BCAR3: variants seen among roughly 807,000 people sequenced by gnomAD.
BCAR3 encodes the protein breast cancer anti-estrogen resistance protein 3.
Under a neutral mutation model 80.1 loss-of-function variants are expected in BCAR3, and 37 were observed. The ratio of observed to expected loss-of-function variants is 0.46; its 90% CI spans 0.36 to 0.61. The LOEUF (loss-of-function observed/expected upper bound fraction) is 0.61. BCAR3 is among the 20% of genes least tolerant of loss of function. The probability of loss-of-function intolerance (pLI) is 0.00; values close to 1 mark genes in which losing one functional copy is unlikely to be tolerated. For synonymous variants in BCAR3, 389 were observed against 418.9 expected (o/e 0.93, Z 0.87); for missense variants, 978 against 1,068.2 (o/e 0.92, Z 1.18).
chr1:93,836,013 C>T lies in BCAR3; in HGVS notation c.-63+9554G>A, dbSNP rs141792746. ...CTTGGTATTCAGCAGAACCTTCATA[C>T]CCCTTACCATCCTCAATCTTCAGGA... On this transcript the variant is annotated intron_variant, in intron 2 of 13. Transcript: ENST00000370244. 9.0e-3 allele frequency among the ~76,000 whole-genome samples: 1,375 copies of T among 152,300 alleles called. 26 individuals are homozygous for T. The highest frequency in any genetic ancestry group is 0.031 in the African/African-American group (1,279 of 41,544).
chr1:93,681,324 G>C (rs1648749108), intron 1 of BCAR3: 1 of 152,032 alleles, frequency 6.6e-6, no homozygotes, highest in African/African-American at 2.4e-5. Flanking sequence ...GCCAATCGCT[G>C]AGCGCTCCCC....
At chr1:93,722,207 C>T (rs1033575452) in intron 2 of BCAR3, among the ~76,000 whole-genome samples, 5 of 152,298 alleles carry the variant, frequency 3.3e-5, no homozygotes, top group East Asian at 1.9e-4. Flanking sequence ...GGATCCCATG[C>T]ACTCATAAGC....
intron 2 of BCAR3, among the ~76,000 whole-genome samples, chr1:93,814,775 G>C (rs1653960301): frequency 6.6e-6 from 1 of 152,232 alleles, no homozygotes; most frequent in African/African-American, 2.4e-5. Flanking sequence ...TGGCAGCCAG[G>C]AGAGGAGGCG....
chr1:93,827,709 G>A (rs1654418038), intron 2 of BCAR3, among the ~76,000 whole-genome samples: 1 of 151,944 alleles, frequency 6.6e-6, no homozygotes, highest in Non-Finnish European at 1.5e-5. Context: ...GAGGGAGGGA[G>A]GGAAAGAGAG....
intron 2 of BCAR3, among the ~76,000 whole-genome samples, chr1:93,729,670 T>A (rs549323656): frequency 6.6e-6 from 1 of 152,288 alleles, no homozygotes; most frequent in African/African-American, 2.4e-5. Context: ...CAGGCCTTGA[T>A]ACCTCTGCAT....
intron 2 of BCAR3, among the ~76,000 whole-genome samples, chr1:93,804,231 C>T (rs1487388013): frequency 1.3e-5 from 2 of 152,150 alleles, no homozygotes; most frequent in African/African-American, 2.4e-5. Flanking sequence ...ATTCGTAGGC[C>T]TAGCTTCTAT....
Position 93,647,740 on chromosome 1 carries a change from C to T in BCAR3, c.318-5397G>A, listed in dbSNP as rs149149078. On this transcript the variant is annotated intron_variant, in intron 2 of 11. Transcript: ENST00000260502. The stretch of plus-strand genomic sequence containing the variant: ...AGCCCCAAACAATGGCATCTGAGAC[C>T]AGCTGTACGATAAAGTTCCTATGTA... Among the ~76,000 whole-genome samples, 11 of 152,088 alleles carry T rather than the reference C, an allele frequency of 7.2e-5. No individual in the cohort carries two copies. In the East Asian group the frequency reaches 1.7e-3, roughly 24 times the overall value.
At chr1:93,802,783 C>CT (rs543607003) in intron 2 of BCAR3, among the ~76,000 whole-genome samples, 8 of 152,278 alleles carry the variant, frequency 5.3e-5, no homozygotes, top group Non-Finnish European at 1.2e-4. Context: ...TGTGGCCCAC[C>CT]TTCTGAATGG....
intron 2 of BCAR3, among the ~76,000 whole-genome samples, chr1:93,726,260 A>G (rs1050513163): frequency 6.6e-6 from 1 of 151,866 alleles, no homozygotes; most frequent in African/African-American, 2.4e-5. Context: ...TGAGAGAGAG[A>G]CAGGGTCTCA....
chr1:93,685,453 A>C (rs1648943533), upstream of BCAR3, among the ~76,000 whole-genome samples: 1 of 152,190 alleles, frequency 6.6e-6, no homozygotes, highest in Non-Finnish European at 1.5e-5. Context: ...TTTGCTTTTT[A>C]AAAACCACTT....
At chr1:93,653,281 T>C (rs1299532983) in intron 2 of BCAR3, among the ~76,000 whole-genome samples, 1 of 152,246 alleles carries the variant, frequency 6.6e-6, no homozygotes, top group Admixed American at 6.5e-5. Flanking sequence ...CAATATTTCA[T>C]GCAATGGAGG....
chr1:93,664,929 C>T (rs1647829775), intron 2 of BCAR3, among the ~76,000 whole-genome samples: 1 of 152,018 alleles, frequency 6.6e-6, no homozygotes, highest in Non-Finnish European at 1.5e-5. Context: ...CCATCTACCC[C>T]ACCCCCACCC....
At chr1:93,815,617 G>C (rs930369724) in intron 2 of BCAR3, among the ~76,000 whole-genome samples, 1 of 152,088 alleles carries the variant, frequency 6.6e-6, no homozygotes, top group Non-Finnish European at 1.5e-5. Context: ...CAGAAGAATG[G>C]GGAGGGAAGT....
chr1:93,786,219 A>AAAAAAAAAAAAAAAT (rs1557688155), intron 2 of BCAR3, among the ~76,000 whole-genome samples: 5 of 148,778 alleles, frequency 3.4e-5, no homozygotes, highest in East Asian at 1.9e-4. Context: ...AAAAAAAAAA[A>AAAAAAAAAAAAAAAT]GTGCCATGCA....
At chr1:93,785,426 G>A (rs1652904658) in intron 2 of BCAR3, among the ~76,000 whole-genome samples, 1 of 152,206 alleles carries the variant, frequency 6.6e-6, no homozygotes, top group South Asian at 2.1e-4. Context: ...CTGATAGGAG[G>A]AAAGCTTGGC....
intron 2 of BCAR3, among the ~76,000 whole-genome samples, chr1:93,820,516 T>A (rs935452132): frequency 1.3e-5 from 2 of 152,190 alleles, no homozygotes; most frequent in South Asian, 4.1e-4. Context: ...CTTTGCTTAC[T>A]CTGATTAGTT....
intron 2 of BCAR3, among the ~76,000 whole-genome samples, chr1:93,711,506 A>G (rs1009578304): frequency 4.6e-5 from 7 of 152,196 alleles, no homozygotes; most frequent in South Asian, 2.1e-4. Flanking sequence ...AAGAGGTACA[A>G]TGTCACTTCT....
At chr1:93,576,183 C>A in intron 7 of BCAR3, 54 bp from the exon 8 acceptor site, 2 of 1,373,574 alleles carry the variant, frequency 1.5e-6, no homozygotes, top group South Asian at 1.2e-5. Flanking sequence ...CTTGCCTGAT[C>A]ATGAATTCAG....
intron 6 of BCAR3, among the ~76,000 whole-genome samples, chr1:93,583,301 C>G (rs1673796502): frequency 6.6e-6 from 1 of 152,068 alleles, no homozygotes; most frequent in South Asian, 2.1e-4. Context: ...TAATCTTGCC[C>G]TAAGAAACAG....
Sources: allele counts gnomAD v4.1 joint callset (sites outside exome capture counted in the v4.1 genomes callset), GRCh38; gene constraint gnomAD v4.1.1; transcripts MANE v1.5; gene names NCBI Gene and HGNC (gene_info 2026-07-23, HGNC 2026-07-21).